Variants in RUNX1T1 observed in about 807,000 individuals in gnomAD.
RUNX1T1 encodes protein CBFA2T1.
RUNX1T1 carries 4 observed loss-of-function variants against 62.8 expected under a neutral mutation model. That is an observed-to-expected ratio of 0.06 (90% CI 0.03 to 0.15). The LOEUF (loss-of-function observed/expected upper bound fraction) is 0.15. RUNX1T1 is among the 10% of genes least tolerant of loss of function. The pLI is 1.00. For missense variants in RUNX1T1, 508 were observed against 754.3 expected, an observed-to-expected ratio of 0.67 and a Z score of 3.82; for synonymous variants, 291 against 286.0, an observed-to-expected ratio of 1.02 and a Z score of -0.18.
intron 5 of RUNX1T1, among the ~76,000 whole-genome samples, chr8:91,992,921 T>C (rs1244263913): frequency 6.6e-6 from 1 of 152,242 alleles, no homozygotes; most frequent in Non-Finnish European, 1.5e-5. Flanking sequence ...TCTGGCTGTA[T>C]ATATTTCTAC....
chr8:92,034,297 T>C lies in RUNX1T1; in HGVS notation c.8-16934A>G, dbSNP rs556861695. Among the ~76,000 whole-genome samples, 4 of 151,930 alleles carry C rather than the reference T, an allele frequency of 2.6e-5. No homozygotes were observed. In the South Asian group the frequency reaches 8.3e-4, roughly 32 times the overall value. ...GACTAGAGATCACCTTGGGGAAAAA[T>C]CCAAAAGTACACTAGAGCACCATAA... On this transcript the variant is annotated intron_variant, in intron 1 of 10. Transcript: ENST00000396218.
chr8:91,964,655 CACCCAG>C, intron 10 of RUNX1T1, among the ~76,000 whole-genome samples: 1 of 152,182 alleles, frequency 6.6e-6, no homozygotes, highest in Non-Finnish European at 1.5e-5. Flanking sequence ...AAGTTTGATT[CACCCAG>C]ATGTTTGGAT....
chr8:92,072,694 T>C (rs1477121585), intron 2 of RUNX1T1, among the ~76,000 whole-genome samples: 3 of 152,222 alleles, frequency 2.0e-5, no homozygotes, highest in Non-Finnish European at 4.4e-5. Context: ...GGGATCAGTG[T>C]GCAGTGCTAC....
chr8:92,059,640 C>T (rs1333139547), intron 1 of RUNX1T1, among the ~76,000 whole-genome samples: 1 of 152,158 alleles, frequency 6.6e-6, no homozygotes, highest in Non-Finnish European at 1.5e-5. Flanking sequence ...TGGATCATTT[C>T]TGCAGGGACC....
At chr8:91,986,086 A>G in intron 8 of RUNX1T1, 38 bp downstream of exon 9, 1 of 1,325,256 alleles carries the variant, frequency 7.5e-7, no homozygotes, top group Non-Finnish European at 1.1e-6. Flanking sequence ...AGCATAAGAA[A>G]TATGTGTTTT....
chr8:91,999,836 A>T (rs998024898), intron 5 of RUNX1T1, among the ~76,000 whole-genome samples: 1 of 152,218 alleles, frequency 6.6e-6, no homozygotes, highest in East Asian at 1.9e-4. Context: ...ATGGCATATA[A>T]GAATTAGGAA....
chr8:91,990,606 T>A (rs1817465540), intron 6 of RUNX1T1, among the ~76,000 whole-genome samples: 1 of 152,154 alleles, frequency 6.6e-6, no homozygotes, highest in African/African-American at 2.4e-5. Context: ...TGGTAGACAT[T>A]TGTTCTATAG....
chr8:92,073,233 T>C (rs1054524854), intron 2 of RUNX1T1, among the ~76,000 whole-genome samples: 12 of 152,160 alleles, frequency 7.9e-5, no homozygotes, highest in Admixed American at 3.3e-4. Context: ...CGGCTCCAAA[T>C]GGCATTCTAG....
rs566006600 is a variant in RUNX1T1, at chr8:92,026,155, C to G, written c.8-8792G>C. Reference sequence around the variant, plus strand: ...AGGTTATGTTTATTTTCTTATTTTTCTCTGTTCTATAATGGGCATATTTTA... The same window carrying G: ...AGGTTATGTTTATTTTCTTATTTTTGTCTGTTCTATAATGGGCATATTTTA... On this transcript the variant is annotated intron_variant, in intron 1 of 10. Transcript: ENST00000396218. Among the ~76,000 whole-genome samples, 33 of 152,164 alleles carry G rather than the reference C, an allele frequency of 2.2e-4. No homozygotes were observed. The South Asian group carries it at 6.6e-3, about 31-fold the overall frequency.
In RUNX1T1 at chr8:92,014,512, A is replaced by G. The variant is rs978208420; in HGVS notation, c.387+67T>C. 4.2e-6 allele frequency: 6 copies of G among 1,422,428 alleles called. No homozygotes were observed. In the African/African-American group the frequency reaches 5.7e-5, roughly 14 times the overall value. The allele number at this position is 1,422,428 out of a possible 1,614,324, so 88.1% of individuals were successfully genotyped here. A position where few individuals can be genotyped will look rare whatever the true frequency, so the allele number is the denominator to read the frequency against. On this transcript the variant is annotated intron_variant, in intron 3 of 10. Coordinates refer to ENST00000396218, the Ensembl canonical transcript of RUNX1T1. ...AAATACTTGCGAGAACGGTGTCTACATGTCTGAGTCTCCCACCCACACTAT... is the reference window on the plus strand; with the variant it reads ...AAATACTTGCGAGAACGGTGTCTACGTGTCTGAGTCTCCCACCCACACTAT...
intron 8 of RUNX1T1, among the ~76,000 whole-genome samples, chr8:91,976,732 CACAAA>C (rs1164684414): frequency 6.6e-6 from 1 of 152,186 alleles, no homozygotes; most frequent in Non-Finnish European, 1.5e-5. Context: ...ATGGAATTAA[CACAAA>C]ACATTTTATA....
At chr8:92,061,569 G>A (rs1169596775) in intron 1 of RUNX1T1, among the ~76,000 whole-genome samples, 1 of 152,172 alleles carries the variant, frequency 6.6e-6, no homozygotes, top group Non-Finnish European at 1.5e-5. Context: ...TGATTAGGAT[G>A]GACGAGACAC....
chr8:92,032,718 C>T (rs1366825305), intron 1 of RUNX1T1, among the ~76,000 whole-genome samples: 2 of 152,036 alleles, frequency 1.3e-5, no homozygotes, highest in East Asian at 3.9e-4. Context: ...GTTCAAGGCT[C>T]CAGTGAGCTA....
chr8:91,963,477 GAAAGAGCA>G (rs532505672), intron 10 of RUNX1T1, among the ~76,000 whole-genome samples: 66 of 152,294 alleles, frequency 4.3e-4, no homozygotes, highest in African/African-American at 1.5e-3. Context: ...TTAGAAAACT[GAAAGAGCA>G]ATTTCTATTA....
chr8:92,028,591 G>C (rs1825690241), intron 1 of RUNX1T1, among the ~76,000 whole-genome samples: 1 of 152,130 alleles, frequency 6.6e-6, no homozygotes, highest in Admixed American at 6.5e-5. Context: ...AGGTTAATCT[G>C]ACTTACACCC....
intron 5 of RUNX1T1, among the ~76,000 whole-genome samples, chr8:91,993,188 G>T (rs1289691616): frequency 6.6e-6 from 1 of 152,078 alleles, no homozygotes; most frequent in Non-Finnish European, 1.5e-5. Context: ...TACTTTCCCG[G>T]CATCTAGTGA....
chr8:92,012,396 T>G (rs1159255293), intron 3 of RUNX1T1, among the ~76,000 whole-genome samples: 1 of 151,688 alleles, frequency 6.6e-6, no homozygotes, highest in African/African-American at 2.4e-5. Flanking sequence ...TAGCCAGGTG[T>G]GGTGGTGTGT....
At chr8:91,978,632 T>C (rs1814506943) in intron 8 of RUNX1T1, among the ~76,000 whole-genome samples, 2 of 152,230 alleles carry the variant, frequency 1.3e-5, no homozygotes, top group South Asian at 4.1e-4. Flanking sequence ...TTTCTATAGT[T>C]CACAATTCAC....
upstream of RUNX1T1, among the ~76,000 whole-genome samples, chr8:92,100,596 C>A (rs1163708779): frequency 6.6e-6 from 1 of 152,150 alleles, no homozygotes; most frequent in Non-Finnish European, 1.5e-5. Context: ...TCAACTTCTT[C>A]AGCATCCATC....
Sources: allele counts gnomAD v4.1 joint callset (sites outside exome capture counted in the v4.1 genomes callset), GRCh38; gene constraint gnomAD v4.1.1; transcripts MANE v1.5; gene names NCBI Gene and HGNC (gene_info 2026-07-23, HGNC 2026-07-21).